UBE2J2: variants seen among roughly 807,000 people sequenced by gnomAD.
UBE2J2 encodes the protein ubiquitin-conjugating enzyme E2 J2.
UBE2J2 carries 5 observed loss-of-function variants against 28.6 expected under a neutral mutation model. The ratio of observed to expected loss-of-function variants is 0.17; its 90% CI spans 0.09 to 0.37. The LOEUF is 0.37. Ranked by LOEUF, UBE2J2 falls within the 10% of genes least tolerant of loss-of-function variation. The probability of loss-of-function intolerance (pLI) is 1.00; values close to 1 mark genes in which losing one functional copy is unlikely to be tolerated. For synonymous variants in UBE2J2, 138 were observed against 139.7 expected (o/e 0.99, Z 0.09); for missense variants, 226 against 338.9 (o/e 0.67, Z 2.62).
chr1:1,258,208 T>A (rs1315616108), intron 3 of UBE2J2, among the ~76,000 whole-genome samples: 1 of 63,434 alleles, frequency 1.6e-5, no homozygotes. Context: ...CCCAGCTAAT[T>A]TTTTTTTTAA....
chr1:1,266,338 T>A, intron 2 of UBE2J2: 1 of 364,070 alleles, frequency 2.7e-6, no homozygotes, highest in South Asian at 3.4e-5. Context: ...AAGCCTGTAA[T>A]CCCAGCACTT....
intron 2 of UBE2J2, among the ~76,000 whole-genome samples, chr1:1,265,815 A>G (rs1383369543): frequency 6.6e-6 from 1 of 152,010 alleles, no homozygotes; most frequent in African/African-American, 2.4e-5. Flanking sequence ...CTGTATTTTC[A>G]GTAGAGACAG....
chr1:1,257,274 T>G lies in UBE2J2; in HGVS notation c.209A>C (p.Glu70Ala), dbSNP rs1409785890. 1 of 1,612,460 alleles carries G rather than the reference T, an allele frequency of 6.2e-7. No individual in the cohort carries two copies. The highest frequency in any genetic ancestry group is 1.7e-5 in the Admixed American group (1 of 59,850). Residue 70 changes from glutamate (E) to alanine (A), a missense_variant, in exon 4 of 7, where the codon GAA (glutamate) becomes GCA (alanine). Transcript: ENST00000349431. ...GATACTGGGAGGTTTGAAAGGAAAT[T>G]CTCTGGGAAAAATTAGTTTTCCATG... ...YYHGKLIFPR[E>A]FPFKPPSIYM...
chr1:1,255,347 G>A lies in UBE2J2; in HGVS notation c.636C>T (p.Ala212=), dbSNP rs539466157. 8.7e-6 allele frequency: 14 copies of A among 1,613,754 alleles called. No homozygotes were observed. Among genetic ancestry groups the A allele is most frequent in the South Asian group, 2.2e-5 (2 of 91,082 alleles). Residue 212 remains alanine, a synonymous_variant, in exon 7 of 7, where the codon GCC becomes GCT. Coordinates refer to ENST00000349431, the MANE Select transcript of UBE2J2 (RefSeq NM_058167.3). ...GCTGGAGCCCTGCGAGGTTTGGGAC[G>A]GCCCCCGGCGCATGCCCGTTGAGCA... ...IQLLNGHAPG[A]VPNLAGLQQA... is the part of the protein sequence containing the mutation.
At chr1:1,260,487 C>T (rs566289407) in intron 3 of UBE2J2, among the ~76,000 whole-genome samples, 11 of 152,046 alleles carry the variant, frequency 7.2e-5, no homozygotes, top group South Asian at 2.1e-4. Flanking sequence ...TGCCTCACTG[C>T]GCGCACACCT....
rs549873234 is a variant in UBE2J2, at chr1:1,254,669, G to A, written c.*534C>T. 1.8e-3 allele frequency: 278 copies of A among 153,482 alleles called. No homozygotes were observed. The highest frequency in any genetic ancestry group is 3.3e-3 in the Middle Eastern group (1 of 302). 9.5% of individuals were successfully genotyped at this position (153,482 alleles called of 1,614,324 possible). On this transcript the variant is annotated 3_prime_UTR_variant, in exon 7 of 7. Coordinates refer to ENST00000349431, the MANE Select transcript of UBE2J2 (RefSeq NM_058167.3). ...CTGTAAACACATTTGTAAATGCTGAGACCAAACCCCGACTTATGGATCCTG... is the reference window on the plus strand; with the variant it reads ...CTGTAAACACATTTGTAAATGCTGAAACCAAACCCCGACTTATGGATCCTG...
intron 3 of UBE2J2, among the ~76,000 whole-genome samples, chr1:1,260,074 A>G (rs1038680291): frequency 1.3e-5 from 2 of 152,230 alleles, no homozygotes; most frequent in Non-Finnish European, 2.9e-5. Context: ...GGGACGCTGC[A>G]GCTTCCTCTC....
chr1:1,259,803 G>A (rs1329410905), intron 3 of UBE2J2, among the ~76,000 whole-genome samples: 1 of 152,138 alleles, frequency 6.6e-6, no homozygotes, highest in South Asian at 2.1e-4. Flanking sequence ...CACGGGGCTC[G>A]TGCCCGCTTG....
At chr1:1,271,222 C>T (rs1305213228) in intron 1 of UBE2J2, among the ~76,000 whole-genome samples, 1 of 152,246 alleles carries the variant, frequency 6.6e-6, no homozygotes, top group East Asian at 1.9e-4. Context: ...GCATCCCCAG[C>T]TCCTGGCTAA....
At chr1:1,256,180 T>G in intron 5 of UBE2J2, 55 bp from the exon 6 acceptor site, 2 of 1,327,572 alleles carry the variant, frequency 1.5e-6, no homozygotes, top group Non-Finnish European at 1.1e-6. Flanking sequence ...TCTTTCAAGA[T>G]TCTAAAAACA....
chr1:1,265,313 G>T (rs1415692943), intron 2 of UBE2J2, among the ~76,000 whole-genome samples: 1 of 152,200 alleles, frequency 6.6e-6, no homozygotes, highest in African/African-American at 2.4e-5. Flanking sequence ...AACAGTACAG[G>T]CAACATGGGC....
Position 1,254,930 on chromosome 1 carries a change from G to C in UBE2J2, c.*273C>G, listed in dbSNP as rs1267293979. The C allele has an allele frequency of 5.1e-6, 2 of 390,970 alleles. No homozygotes were observed. Among genetic ancestry groups the C allele is most frequent in the East Asian group, 3.9e-5 (1 of 25,870 alleles). 24.2% of individuals were successfully genotyped at this position (390,970 alleles called of 1,614,324 possible). On this transcript the variant is annotated 3_prime_UTR_variant, in exon 7 of 7. Coordinates refer to ENST00000349431, the MANE Select transcript of UBE2J2 (RefSeq NM_058167.3). Reference sequence around the variant, plus strand: ...ATGAAAAACGGGTTTACTAAAACAGGTCCAAAGACAACACGGAAGATAAGC... The same window carrying C: ...ATGAAAAACGGGTTTACTAAAACAGCTCCAAAGACAACACGGAAGATAAGC...
rs1639971053 is a variant in UBE2J2 at position 1,268,115 on chromosome 1, C to T, written c.1-123G>A. On this transcript the variant is annotated intron_variant, in intron 1 of 6. Coordinates refer to ENST00000349431, the MANE Select transcript of UBE2J2 (RefSeq NM_058167.3). This position sits in a 1 kb window ranked among gnomAD's most constrained non-coding sequence, Gnocchi z 4.7. Reference sequence around the variant, plus strand: ...CATTCAGGGCCCGGTCACCCAGAGTCACAGCTCACAGGTCACCCTCGCTTG... The same window carrying T: ...CATTCAGGGCCCGGTCACCCAGAGTTACAGCTCACAGGTCACCCTCGCTTG... 7.4e-7 allele frequency: 1 copy of T among 1,350,166 alleles called. No homozygotes were observed. Among genetic ancestry groups the T allele is most frequent in the Non-Finnish European group, 1.0e-6 (1 of 971,800 alleles). The allele number at this position is 1,350,166 out of a possible 1,614,324, so 83.6% of individuals were successfully genotyped here. A position where few individuals can be genotyped will look rare whatever the true frequency, so the allele number is the denominator to read the frequency against.
chr1:1,257,942 G>C (rs553065851), intron 3 of UBE2J2, among the ~76,000 whole-genome samples: 3 of 152,102 alleles, frequency 2.0e-5, no homozygotes, highest in African/African-American at 4.8e-5. Context: ...CCCCTCCCAA[G>C]CTCTCAAATC....
Position 1,256,505 on chromosome 1 carries a change from AAC to A in UBE2J2, c.415-382_415-381del, listed in dbSNP as rs557725628. 1.5e-4 allele frequency among the ~76,000 whole-genome samples: 23 copies of A among 152,286 alleles called. 1 individual carries two copies. The South Asian group carries it at 4.4e-3, about 29-fold the overall frequency. ...AAAGCAAGACCGAGAGGCAGCGGGG[AAC>A]ACGAGGCCACAGAGCAAAGCAGTCT... On this transcript the variant is annotated intron_variant, in intron 5 of 6. Coordinates refer to ENST00000349431, the MANE Select transcript of UBE2J2 (RefSeq NM_058167.3).
chr1:1,267,794 C>T, intron 2 of UBE2J2, 68 bp downstream of exon 2: 1 of 1,590,216 alleles, frequency 6.3e-7, no homozygotes, highest in Non-Finnish European at 8.6e-7. Context: ...GCTCGCCCAG[C>T]AGGGGCCGGC....
chr1:1,273,617 G>A (rs1333152895), intron 1 of UBE2J2, 49 bp downstream of exon 1: 1 of 151,640 alleles, frequency 6.6e-6, no homozygotes, highest in Non-Finnish European at 1.5e-5. Context: ...CTCCGGCAGG[G>A]GGGACGAGCG....
rs1185089117 is a variant in UBE2J2, at chr1:1,268,634, G to A, written c.1-642C>T. Among the ~76,000 whole-genome samples the A allele has an allele frequency of 6.6e-6, 1 of 152,166 alleles. No homozygotes were observed. Among genetic ancestry groups the A allele is most frequent in the East Asian group, 1.9e-4 (1 of 5,188 alleles). On this transcript the variant is annotated intron_variant, in intron 1 of 6. Coordinates refer to ENST00000349431, the MANE Select transcript of UBE2J2 (RefSeq NM_058167.3). The surrounding 1 kb of genome is among the most constrained non-coding windows in gnomAD (Gnocchi z 4.7). ...CACCTGAGAAAGTGCAGTGTGCAAG[G>A]GCCCAAGCACAGTGAGGGCAGGGAT...
intron 2 of UBE2J2, chr1:1,265,964 T>C (rs1168442939): frequency 4.3e-5 from 45 of 1,041,548 alleles, no homozygotes; most frequent in African/African-American, 5.0e-5. Flanking sequence ...TGAGTATTCT[T>C]TGTGAATCAT....
Sources: allele counts gnomAD v4.1 joint callset (sites outside exome capture counted in the v4.1 genomes callset), GRCh38; gene constraint gnomAD v4.1.1; non-coding constraint Gnocchi (gnomAD v3.1); transcripts MANE v1.5; gene names NCBI Gene and HGNC (gene_info 2026-07-23, HGNC 2026-07-21).